Variants in RIMS2 observed in about 807,000 individuals in gnomAD.
RIMS2 encodes regulating synaptic membrane exocytosis protein 2.
A neutral mutation model predicts 174.4 loss-of-function variants in RIMS2; 59 were observed. That is an observed-to-expected ratio of 0.34 (90% CI 0.27 to 0.42). The LOEUF is 0.42. Ranked by LOEUF, RIMS2 falls within the 10% of genes least tolerant of loss-of-function variation. The pLI, the probability that RIMS2 is intolerant of heterozygous loss-of-function variation, is 1.00. For synonymous variants in RIMS2, 606 were observed against 572.5 expected (o/e 1.06, Z -0.84); for missense variants, 1,620 against 1,666.3 (o/e 0.97, Z 0.48).
chr8:103,661,369 T>C (rs2136092901), intron 1 of RIMS2, among the ~76,000 whole-genome samples: 1 of 152,344 alleles, frequency 6.6e-6, no homozygotes, highest in East Asian at 1.9e-4. Flanking sequence ...TTCCTATGAC[T>C]TTGGAGGAGA....
intron 1 of RIMS2, among the ~76,000 whole-genome samples, chr8:103,612,277 A>G (rs1164148168): frequency 6.6e-6 from 1 of 152,038 alleles, no homozygotes; most frequent in Non-Finnish European, 1.5e-5. Context: ...TATTTTCAGG[A>G]TTGGGCCCTG....
intron 1 of RIMS2, among the ~76,000 whole-genome samples, chr8:103,619,479 T>C (rs528787280): frequency 2.0e-5 from 3 of 152,152 alleles, no homozygotes; most frequent in Admixed American, 2.0e-4. Flanking sequence ...TTCCCAATAT[T>C]TGCATCTGAA....
chr8:103,568,793 T>C (rs1221343820), intron 1 of RIMS2: 9 of 1,152,126 alleles, frequency 7.8e-6, no homozygotes, highest in Non-Finnish European at 1.2e-5. Flanking sequence ...CTTTTGCTGT[T>C]TGTGCAATCA....
At chr8:103,896,732 G>A (rs997402533) in intron 4 of RIMS2, among the ~76,000 whole-genome samples, 2 of 151,540 alleles carry the variant, frequency 1.3e-5, no homozygotes, top group African/African-American at 2.4e-5. Flanking sequence ...GACTTATTTT[G>A]CACATCTGGC....
chr8:104,000,447 T>G (rs1385243899), intron 17 of RIMS2, among the ~76,000 whole-genome samples: 5 of 151,890 alleles, frequency 3.3e-5, no homozygotes, highest in Non-Finnish European at 7.4e-5. Context: ...ATTTTATTTA[T>G]GCATTCATTT....
intron 4 of RIMS2, among the ~76,000 whole-genome samples, chr8:103,909,572 T>C (rs1184193334): frequency 2.0e-5 from 3 of 152,156 alleles, no homozygotes; most frequent in East Asian, 3.9e-4. Context: ...AAATTAATCT[T>C]TTGTGAAAAC....
At chr8:103,988,296 T>G (rs139042074) in intron 16 of RIMS2, among the ~76,000 whole-genome samples, 3 of 152,186 alleles carry the variant, frequency 2.0e-5, no homozygotes, top group African/African-American at 7.2e-5. Flanking sequence ...ATGCAAAGGG[T>G]GGGTCAGACA....
At position 103,829,869 on chromosome 8, in the gene RIMS2, G is replaced by T. The variant is rs1011038031; in HGVS notation, c.699-55429G>T. Reference sequence around the variant, plus strand: ...CTAAAATAAAAATTGGAAAGAGAAAGATAATAACACTATGATGATGAAAAA... The same window carrying T: ...CTAAAATAAAAATTGGAAAGAGAAATATAATAACACTATGATGATGAAAAA... On this transcript the variant is annotated intron_variant, in intron 3 of 23. Coordinates refer to ENST00000504942, the Ensembl canonical transcript of RIMS2. Among the ~76,000 whole-genome samples, 3 of 152,164 alleles carry T rather than the reference G, an allele frequency of 2.0e-5. No individual in the cohort carries two copies. The East Asian group carries it at 5.8e-4, about 29-fold the overall frequency.
At chr8:104,063,739 G>C (rs2097050468) in intron 19 of RIMS2, among the ~76,000 whole-genome samples, 1 of 152,138 alleles carries the variant, frequency 6.6e-6, no homozygotes, top group African/African-American at 2.4e-5. Context: ...ATGGATGACT[G>C]AGTCAACAAT....
intron 1 of RIMS2, among the ~76,000 whole-genome samples, chr8:103,552,582 A>C (rs1041016456): frequency 1.3e-5 from 2 of 152,246 alleles, no homozygotes; most frequent in Admixed American, 1.3e-4. Flanking sequence ...TGGCAACAAA[A>C]GCCAAAATAG....
intron 14 of RIMS2, among the ~76,000 whole-genome samples, chr8:103,958,211 A>G (rs1247769552): frequency 1.3e-5 from 2 of 152,258 alleles, no homozygotes; most frequent in Non-Finnish European, 2.9e-5. Flanking sequence ...ACCATAGAAT[A>G]CTATGACGCC....
chr8:103,622,264 A>G (rs1422666144), intron 1 of RIMS2, among the ~76,000 whole-genome samples: 1 of 152,164 alleles, frequency 6.6e-6, no homozygotes, highest in Non-Finnish European at 1.5e-5. Flanking sequence ...ACAAACAATG[A>G]CACATACATT....
intron 3 of RIMS2, among the ~76,000 whole-genome samples, chr8:103,834,742 T>TCTCTCTC (rs2098856188): frequency 5.5e-5 from 6 of 109,528 alleles, no homozygotes; most frequent in African/African-American, 2.6e-4. Flanking sequence ...CTTTCTTTCT[T>TCTCTCTC]TCTCTCTCTT....
chr8:103,930,125 A>T (rs1565371556), intron 11 of RIMS2, among the ~76,000 whole-genome samples: 1 of 152,014 alleles, frequency 6.6e-6, no homozygotes, highest in East Asian at 1.9e-4. Flanking sequence ...TATAATTTAA[A>T]TAATTTGGAT....
chr8:103,937,124 A>AATAG (rs558328414), intron 13 of RIMS2, among the ~76,000 whole-genome samples: 11 of 149,174 alleles, frequency 7.4e-5, no homozygotes, highest in African/African-American at 2.8e-4. Context: ...AAGATAAATA[A>AATAG]ATAAATAAAT....
chr8:103,787,857 G>T (rs2098458474), intron 3 of RIMS2, among the ~76,000 whole-genome samples: 1 of 152,108 alleles, frequency 6.6e-6, no homozygotes, highest in African/African-American at 2.4e-5. Flanking sequence ...ATAATATCCT[G>T]CAGAGTGTTT....
At chr8:103,978,872 A>G (rs887762146) in intron 16 of RIMS2, among the ~76,000 whole-genome samples, 2 of 152,202 alleles carry the variant, frequency 1.3e-5, no homozygotes, top group African/African-American at 2.4e-5. Flanking sequence ...TATTTTGTAT[A>G]TATATCTTTT....
intron 3 of RIMS2, 54 bp from the exon 7 acceptor site, chr8:103,885,244 G>C: frequency 6.7e-7 from 1 of 1,489,216 alleles, no homozygotes; most frequent in Non-Finnish European, 8.9e-7. Flanking sequence ...TCAATGAAAT[G>C]TAAAATTGAT....
Position 104,167,653 on chromosome 8 carries a change from T to G in RIMS2, c.3335-77263T>G, listed in dbSNP as rs1011938356. Among the ~76,000 whole-genome samples, 3 of 152,312 alleles carry G rather than the reference T, an allele frequency of 2.0e-5. No homozygotes were observed. In the East Asian group the frequency reaches 5.8e-4, roughly 29 times the overall value. On this transcript the variant is annotated intron_variant, in intron 19 of 23. Transcript: ENST00000504942. ...TATTTACCCTGCTGATTATTTCTTT[T>G]GCTATACAGAAGCTTTTTAGTTTAA... is the stretch of plus-strand genomic sequence containing the variant.
Sources: allele counts gnomAD v4.1 joint callset (sites outside exome capture counted in the v4.1 genomes callset), GRCh38; gene constraint gnomAD v4.1.1; transcripts MANE v1.5; gene names NCBI Gene and HGNC (gene_info 2026-07-23, HGNC 2026-07-21).